Variants in IRF2 observed in about 807,000 individuals in gnomAD.
IRF2 encodes the protein interferon regulatory factor 2.
In IRF2, 15 loss-of-function variants were observed where a neutral mutation model predicts 40.6. That is an observed-to-expected ratio of 0.37 (90% CI 0.25 to 0.57). The LOEUF (loss-of-function observed/expected upper bound fraction) is 0.57. Among genes scored for constraint, IRF2 ranks in the 20% least tolerant of loss-of-function variants. The pLI is 0.77. For synonymous variants in IRF2, 151 were observed against 165.5 expected, an observed-to-expected ratio of 0.91 and a Z score of 0.67; for missense variants, 317 against 455.7, an observed-to-expected ratio of 0.70 and a Z score of 2.77.
At chr4:184,390,631 G>T in intron 8 of IRF2, 72 bp downstream of exon 8, 1 of 1,442,768 alleles carries the variant, frequency 6.9e-7, no homozygotes, top group Non-Finnish European at 9.8e-7. Context: ...ATAACCAGCA[G>T]CAAGGAAAGC....
chr4:184,424,948 C>A (rs1561103153), intron 2 of IRF2, among the ~76,000 whole-genome samples: 1 of 152,204 alleles, frequency 6.6e-6, no homozygotes, highest in Non-Finnish European at 1.5e-5. Context: ...CCATGACATT[C>A]ATCTGTGTAT....
intron 1 of IRF2, among the ~76,000 whole-genome samples, chr4:184,440,125 T>C (rs1047131943): frequency 9.8e-5 from 15 of 152,340 alleles, no homozygotes; most frequent in African/African-American, 3.1e-4. Flanking sequence ...GCTGACATTT[T>C]CTTGACTTTC....
At chr4:184,427,616 G>A (rs1737717866) in intron 2 of IRF2, among the ~76,000 whole-genome samples, 1 of 152,106 alleles carries the variant, frequency 6.6e-6, no homozygotes. Context: ...CTGCACTCCA[G>A]CCTGGGTGAC....
At chr4:184,390,816 G>T in intron 7 of IRF2, 67 bp from the exon 8 acceptor site, 1 of 1,566,966 alleles carries the variant, frequency 6.4e-7, no homozygotes, top group East Asian at 2.2e-5. Context: ...GGCTCAGGCA[G>T]TGTTTATAAA....
intron 1 of IRF2, among the ~76,000 whole-genome samples, chr4:184,440,129 G>A (rs1738247607): frequency 6.6e-6 from 1 of 152,176 alleles, no homozygotes; most frequent in Admixed American, 6.5e-5. Flanking sequence ...ACATTTTCTT[G>A]ACTTTCCCTG....
Position 184,408,717 on chromosome 4 carries a change from G to A in IRF2, c.412-442C>T, listed in dbSNP as rs1290894642. On this transcript the variant is annotated intron_variant, in intron 5 of 8. Coordinates refer to ENST00000393593, the MANE Select transcript of IRF2 (RefSeq NM_002199.4). This position sits in a 1 kb window ranked among gnomAD's most constrained non-coding sequence, Gnocchi z 4.9. ...ATAATTATTTCTTAGGAAAAGCTCT[G>A]CCTCAGTGACTGGCCCAAGAACAGG... 3.9e-5 allele frequency among the ~76,000 whole-genome samples: 6 copies of A among 152,216 alleles called. No homozygotes were observed. Among genetic ancestry groups the A allele is most frequent in the Non-Finnish European group, 8.8e-5 (6 of 68,034 alleles).
At chr4:184,440,123 T>C (rs1484483900) in intron 1 of IRF2, among the ~76,000 whole-genome samples, 1 of 152,170 alleles carries the variant, frequency 6.6e-6, no homozygotes, top group African/African-American at 2.4e-5. Flanking sequence ...CTGCTGACAT[T>C]TTCTTGACTT....
intron 1 of IRF2, among the ~76,000 whole-genome samples, chr4:184,449,687 G>C (rs983161082): frequency 6.6e-6 from 1 of 152,196 alleles, no homozygotes; most frequent in Non-Finnish European, 1.5e-5. Context: ...GGCAGTCGGG[G>C]ATACCTTACC....
intron 7 of IRF2, among the ~76,000 whole-genome samples, chr4:184,395,893 G>GAGCAAA (rs1736437800): frequency 1.3e-5 from 2 of 152,218 alleles, no homozygotes; most frequent in African/African-American, 4.8e-5. Flanking sequence ...TGGATCTGCT[G>GAGCAAA]TTCTCCGGAA....
At chr4:184,406,333 G>A (rs539388546) in intron 6 of IRF2, among the ~76,000 whole-genome samples, 113 of 150,694 alleles carry the variant, frequency 7.5e-4, no homozygotes, top group African/African-American at 2.3e-3. Context: ...GGGTTCAATC[G>A]ATTCTCCTGC....
chr4:184,431,624 G>A (rs946435321), intron 1 of IRF2, among the ~76,000 whole-genome samples: 1 of 152,122 alleles, frequency 6.6e-6, no homozygotes, highest in South Asian at 2.1e-4. Flanking sequence ...AGGGAAGAGC[G>A]AGGGAAGAGT....
At chr4:184,443,320 G>A (rs1738382745) in intron 1 of IRF2, among the ~76,000 whole-genome samples, 1 of 152,194 alleles carries the variant, frequency 6.6e-6, no homozygotes, top group Non-Finnish European at 1.5e-5. Context: ...TGTCCAAGTA[G>A]TGAACATAGT....
At chr4:184,452,845 A>T (rs1738776904) in intron 1 of IRF2, among the ~76,000 whole-genome samples, 1 of 151,726 alleles carries the variant, frequency 6.6e-6, no homozygotes, top group African/African-American at 2.4e-5. Context: ...GCAAATAAAC[A>T]TGTAAAATAT....
rs1480061912 is a variant in IRF2 at position 184,413,823 on chromosome 4, A to G, written c.411+4344T>C. On this transcript the variant is annotated intron_variant, in intron 5 of 8. Coordinates refer to ENST00000393593, the MANE Select transcript of IRF2 (RefSeq NM_002199.4). This position sits in a 1 kb window ranked among gnomAD's most constrained non-coding sequence, Gnocchi z 4.2. ...ACCCATTTCTATTCGCCCCACCTAC[A>G]TGCCTGTATTTCCCATTGCCCTCTC... Among the ~76,000 whole-genome samples, 1 of 152,142 alleles carries G rather than the reference A, an allele frequency of 6.6e-6. No individual in the cohort carries two copies. Among genetic ancestry groups the G allele is most frequent in the Non-Finnish European group, 1.5e-5 (1 of 68,008 alleles).
chr4:184,468,114 C>A (rs1013994514), intron 1 of IRF2, among the ~76,000 whole-genome samples: 2 of 152,130 alleles, frequency 1.3e-5, no homozygotes, highest in Non-Finnish European at 2.9e-5. Context: ...AAAACAAAAC[C>A]AAACGCCTAA....
At chr4:184,462,712 A>G (rs1293736844) in intron 1 of IRF2, among the ~76,000 whole-genome samples, 3 of 152,238 alleles carry the variant, frequency 2.0e-5, no homozygotes, top group African/African-American at 7.2e-5. Context: ...TACAAAGGAG[A>G]AAAACCGAAC....
At chr4:184,439,747 A>C (rs1181572551) in intron 1 of IRF2, among the ~76,000 whole-genome samples, 1 of 152,174 alleles carries the variant, frequency 6.6e-6, no homozygotes. Context: ...CTGCTTTATA[A>C]AATTTACCTT....
At chr4:184,454,330 A>G in intron 1 of IRF2, among the ~76,000 whole-genome samples, 1 of 152,166 alleles carries the variant, frequency 6.6e-6, no homozygotes, top group East Asian at 1.9e-4. Flanking sequence ...TTTATGTTCA[A>G]ATCTGGTCAA....
At chr4:184,414,155 A>T (rs996971229) in intron 5 of IRF2, among the ~76,000 whole-genome samples, 1 of 152,266 alleles carries the variant, frequency 6.6e-6, no homozygotes, top group African/African-American at 2.4e-5. Context: ...ACTCAGTGAG[A>T]CAAAAATCAT....
Sources: allele counts gnomAD v4.1 joint callset (sites outside exome capture counted in the v4.1 genomes callset), GRCh38; gene constraint gnomAD v4.1.1; non-coding constraint Gnocchi (gnomAD v3.1); transcripts MANE v1.5; gene names NCBI Gene and HGNC (gene_info 2026-07-23, HGNC 2026-07-21).